SAXO5: variants seen among roughly 807,000 people sequenced by gnomAD.
SAXO5 encodes testis expressed 45.
the SAXO5 span, chr19:7,508,436 A>G: frequency 6.2e-7 from 1 of 1,604,750 alleles, no homozygotes. Context: ...AATAAATGCC[A>G]TCTTGGCAAC....
the SAXO5 span, chr19:7,500,658 A>T: frequency 1.7e-6 from 1 of 601,348 alleles, no homozygotes; most frequent in Non-Finnish European, 2.7e-6. Context: ...CAGAAGCTGT[A>T]CCAGTTTCCC....
the SAXO5 span, chr19:7,500,894 G>T: frequency 6.3e-7 from 1 of 1,576,982 alleles, no homozygotes. Flanking sequence ...TCAAGGCCTC[G>T]CACTTCTCGC....
chr19:7,507,006 C>T, the SAXO5 span: 4 of 1,491,636 alleles, frequency 2.7e-6, no homozygotes, highest in South Asian at 4.5e-5. Flanking sequence ...CACCCTCAGC[C>T]CCGCCTCGGC....
At chr19:7,500,944 C>T in the SAXO5 span, 2 of 1,577,906 alleles carry the variant, frequency 1.3e-6, no homozygotes, top group African/African-American at 1.4e-5. Context: ...ACCATGCGCA[C>T]CACGTCGCAC....
the SAXO5 span, chr19:7,505,908 C>A: frequency 1.2e-5 from 18 of 1,509,228 alleles, no homozygotes; most frequent in Non-Finnish European, 1.6e-5. Context: ...TCCCTCCCCC[C>A]CGGGCCCGGG....
At chr19:7,505,377 G>C in the SAXO5 span, 17 of 1,614,208 alleles carry the variant, frequency 1.1e-5, no homozygotes, top group Admixed American at 2.5e-4. Context: ...ATCCGTCCTG[G>C]TGACGGCCTC....
chr19:7,502,626 A>G, the SAXO5 span, among the ~76,000 whole-genome samples: 6 of 152,270 alleles, frequency 3.9e-5, no homozygotes, highest in Admixed American at 3.9e-4. Context: ...GGCAGAAGTC[A>G]TGAATGCCAG....
chr19:7,505,407 A>G, the SAXO5 span: 1 of 1,614,210 alleles, frequency 6.2e-7, no homozygotes, highest in Non-Finnish European at 8.5e-7. Flanking sequence ...AGGACCACCA[A>G]GGCCGAGCAC....
chr19:7,501,178 C>T, the SAXO5 span: 1 of 1,518,846 alleles, frequency 6.6e-7, no homozygotes, highest in Non-Finnish European at 8.7e-7. Context: ...CACGAGGACG[C>T]GCACGCCGGG....
At chr19:7,501,508 G>A in the SAXO5 span, 5 of 1,273,476 alleles carry the variant, frequency 3.9e-6, no homozygotes, top group African/African-American at 3.2e-5. Context: ...GCAATGTCTG[G>A]AAACGCTTTT....
At chr19:7,506,631 A>G in the SAXO5 span, 1 of 346,858 alleles carries the variant, frequency 2.9e-6, no homozygotes, top group East Asian at 8.3e-5. Context: ...TCTTAGCCCT[A>G]TGCCCTAGCT....
the SAXO5 span, among the ~76,000 whole-genome samples, chr19:7,498,170 TACAC>T: frequency 5.5e-3 from 777 of 142,502 alleles, 4 homozygotes; most frequent in African/African-American, 0.016. Flanking sequence ...CACACACACA[TACAC>T]ACACACACAC....
At chr19:7,504,508 C>G in the SAXO5 span, 2 of 898,614 alleles carry the variant, frequency 2.2e-6, no homozygotes, top group Non-Finnish European at 3.5e-6. Context: ...GAGCTCGAGA[C>G]CAGCCTGGCC....
chr19:7,500,998 T>A, the SAXO5 span: 2 of 1,532,552 alleles, frequency 1.3e-6, no homozygotes, highest in Non-Finnish European at 1.7e-6. Flanking sequence ...CCGCCGAGCC[T>A]GCAGCCGCCG....
the SAXO5 span, among the ~76,000 whole-genome samples, chr19:7,498,224 T>C: frequency 6.6e-6 from 1 of 151,868 alleles, no homozygotes; most frequent in East Asian, 1.9e-4. Flanking sequence ...TTTCTTTCTA[T>C]TTTTGTGATG....
the SAXO5 span, chr19:7,505,990 C>A: frequency 3.8e-6 from 6 of 1,590,952 alleles, no homozygotes; most frequent in East Asian, 1.4e-4. Context: ...AGCCACCCAG[C>A]CGCCACGTGC....
chr19:7,498,320 C>G, the SAXO5 span, among the ~76,000 whole-genome samples: 1 of 152,034 alleles, frequency 6.6e-6, no homozygotes, highest in African/African-American at 2.4e-5. Flanking sequence ...AAGCGGTTCT[C>G]CCGCCTCAGC....
the SAXO5 span, among the ~76,000 whole-genome samples, chr19:7,502,178 C>T: frequency 6.6e-6 from 1 of 152,206 alleles, no homozygotes; most frequent in East Asian, 1.9e-4. Context: ...ATGATCTCGG[C>T]TCACACAGAC....
At chr19:7,501,517 T>G in the SAXO5 span, 6 of 1,236,002 alleles carry the variant, frequency 4.9e-6, no homozygotes, top group South Asian at 8.9e-5. Context: ...GGAAACGCTT[T>G]TGGTGGTCAG....
Sources: gnomAD v4.1 joint callset for allele counts (sites outside exome capture counted in the v4.1 genomes callset) on GRCh38, gnomAD v4.1.1 for gene constraint, MANE v1.5 for transcripts, NCBI Gene and HGNC (gene_info 2026-07-23, HGNC 2026-07-21) for gene names.